ITGBL1: variants seen among roughly 807,000 people sequenced by gnomAD.
ITGBL1 encodes integrin subunit beta like 1, also known as integrin beta-like protein 1.
A neutral mutation model predicts 68.5 loss-of-function variants in ITGBL1; 51 were observed. That is an observed-to-expected ratio of 0.74 (90% CI 0.59 to 0.94). The LOEUF (loss-of-function observed/expected upper bound fraction) is 0.94. ITGBL1 is among the 40% of genes least tolerant of loss of function. The pLI is 0.00. For missense variants in ITGBL1, 649 were observed against 647.4 expected (o/e 1.00, Z -0.03); for synonymous variants, 209 against 227.3 (o/e 0.92, Z 0.72).
intron 7 of ITGBL1, among the ~76,000 whole-genome samples, chr13:101,604,887 T>TATATGTATATATATATATACACACAC: frequency 3.6e-4 from 8 of 22,164 alleles, no homozygotes; most frequent in African/African-American, 1.1e-3. Context: ...TATATATATA[T>TATATGTATATATATATATACACACAC]ACACACACAC....
chr13:101,616,739 C>A (rs1020537595), intron 7 of ITGBL1, among the ~76,000 whole-genome samples: 1 of 152,204 alleles, frequency 6.6e-6, no homozygotes, highest in African/African-American at 2.4e-5. Context: ...GATCTACCCA[C>A]CTCGACCTCC....
At chr13:101,482,117 GA>G (rs2048634215) in intron 2 of ITGBL1, among the ~76,000 whole-genome samples, 1 of 152,114 alleles carries the variant, frequency 6.6e-6, no homozygotes, top group South Asian at 2.1e-4. Flanking sequence ...GAGAAGGCTT[GA>G]AAAAGTTGAC....
intron 2 of ITGBL1, among the ~76,000 whole-genome samples, chr13:101,537,311 T>C (rs1444521310): frequency 6.6e-6 from 1 of 152,046 alleles, no homozygotes; most frequent in Non-Finnish European, 1.5e-5. Flanking sequence ...AAACAAATTT[T>C]GGTCAAGTAA....
intron 3 of ITGBL1, among the ~76,000 whole-genome samples, chr13:101,568,502 AT>A (rs776007350): frequency 6.6e-6 from 1 of 152,082 alleles, no homozygotes; most frequent in Non-Finnish European, 1.5e-5. Flanking sequence ...TCAAAATCAG[AT>A]TTTCTCAACC....
intron 7 of ITGBL1, among the ~76,000 whole-genome samples, chr13:101,603,713 T>C (rs2030530594): frequency 6.6e-6 from 1 of 151,930 alleles, no homozygotes; most frequent in Non-Finnish European, 1.5e-5. Context: ...GTGTGTATTT[T>C]CAAAAATGTA....
At chr13:101,717,965 G>A (rs1253582810), downstream of ITGBL1, 1 of 152,018 alleles carries the variant, frequency 6.6e-6, no homozygotes, top group Admixed American at 6.6e-5. Context: ...TGTCAAAAAT[G>A]TCCTCGGCAT....
At chr13:101,669,113 TAA>T (rs140112067) in intron 7 of ITGBL1, among the ~76,000 whole-genome samples, 1 of 147,992 alleles carries the variant, frequency 6.8e-6, no homozygotes, top group African/African-American at 2.5e-5. Context: ...CCTTTTTCGT[TAA>T]AAAAAAAAGT....
intron 7 of ITGBL1, among the ~76,000 whole-genome samples, chr13:101,684,605 G>T (rs2033714374): frequency 6.6e-6 from 1 of 151,862 alleles, no homozygotes; most frequent in Non-Finnish European, 1.5e-5. Flanking sequence ...CATATTATTT[G>T]TTAGTAGTTT....
chr13:101,511,201 G>T (rs2049110548), intron 2 of ITGBL1, among the ~76,000 whole-genome samples: 1 of 151,210 alleles, frequency 6.6e-6, no homozygotes, highest in South Asian at 2.1e-4. Context: ...ACTCCAATTT[G>T]AAAAAAAAGA....
intron 2 of ITGBL1, among the ~76,000 whole-genome samples, chr13:101,499,602 A>G (rs918120962): frequency 6.6e-6 from 1 of 152,200 alleles, no homozygotes; most frequent in Non-Finnish European, 1.5e-5. Context: ...AAGAGAAGTG[A>G]TCTAGAGTTG....
intron 3 of ITGBL1, among the ~76,000 whole-genome samples, chr13:101,573,697 C>A (rs763925005): frequency 6.6e-6 from 1 of 152,132 alleles, no homozygotes; most frequent in Non-Finnish European, 1.5e-5. Flanking sequence ...GAAATGAAAG[C>A]AATGCCTTTA....
chr13:101,559,262 A>C (rs2050061734), intron 2 of ITGBL1, among the ~76,000 whole-genome samples: 1 of 152,178 alleles, frequency 6.6e-6, no homozygotes, highest in Non-Finnish European at 1.5e-5. Context: ...CCAATTTGAA[A>C]ATACTACTTT....
chr13:101,643,473 A>G (rs1410547798), intron 7 of ITGBL1, among the ~76,000 whole-genome samples: 2 of 152,088 alleles, frequency 1.3e-5, no homozygotes, highest in African/African-American at 2.4e-5. Flanking sequence ...GGCTGAGACA[A>G]TGGGGTTTTC....
At chr13:101,465,366 A>G (rs572683274) in intron 2 of ITGBL1, among the ~76,000 whole-genome samples, 8 of 152,300 alleles carry the variant, frequency 5.3e-5, no homozygotes, top group East Asian at 3.9e-4. Context: ...CCTCTGAAAG[A>G]CATAGTCTTA....
intron 6 of ITGBL1, among the ~76,000 whole-genome samples, chr13:101,588,297 T>TTGGTGTGTGTGTGTG (rs1555360537): frequency 2.7e-3 from 398 of 149,782 alleles, no homozygotes; most frequent in African/African-American, 9.0e-3. Flanking sequence ...TATTCTTCCA[T>TTGGTGTGTGTGTGTG]TGTGTGTGTG....
At chr13:101,624,419 G>A (rs4451831) in intron 7 of ITGBL1, among the ~76,000 whole-genome samples, 86,319 of 151,960 alleles carry the variant, frequency 0.57, 26,082 homozygotes, top group East Asian at 0.69. Flanking sequence ...GTGTTCACCT[G>A]AAAGCATTTT....
intron 2 of ITGBL1, among the ~76,000 whole-genome samples, chr13:101,520,209 A>G (rs531123487): frequency 6.6e-6 from 1 of 152,354 alleles, no homozygotes; most frequent in East Asian, 1.9e-4. Flanking sequence ...TCTAAGATTC[A>G]ATGAAAAACA....
intron 7 of ITGBL1, among the ~76,000 whole-genome samples, chr13:101,650,245 G>T (rs909880785): frequency 3.9e-5 from 6 of 152,136 alleles, no homozygotes; most frequent in African/African-American, 7.2e-5. Flanking sequence ...ATTAGAAGCT[G>T]TACTTTACTT....
At chr13:101,454,399 T>TGGGGGGGGGGGGGGGGGGG in intron 2 of ITGBL1, among the ~76,000 whole-genome samples, 1 of 135,906 alleles carries the variant, frequency 7.4e-6, no homozygotes, top group Admixed American at 7.5e-5. Context: ...CCCTGGCTGG[T>TGGGGGGGGGGGGGGGGGGG]CCCCCCCCCC....
Sources: allele counts gnomAD v4.1 joint callset (sites outside exome capture counted in the v4.1 genomes callset), GRCh38; gene constraint gnomAD v4.1.1; transcripts MANE v1.5; gene names NCBI Gene and HGNC (gene_info 2026-07-23, HGNC 2026-07-21).